Variants in GRAP observed in about 807,000 individuals in gnomAD.
The protein encoded by GRAP is GRB2 related adaptor protein, also known as GRB2-related adapter protein.
A neutral mutation model predicts 9.1 loss-of-function variants in GRAP; 2 were observed. The observed-to-expected ratio is 0.22, with a 90% CI of 0.09 to 0.69. The LOEUF is 0.69. Ranked by LOEUF, GRAP falls within the 30% of genes least tolerant of loss-of-function variation. GRAP has a pLI of 0.81. For synonymous variants in GRAP, 68 were observed against 73.6 expected (o/e 0.92, Z 0.39); for missense variants, 113 against 179.4 (o/e 0.63, Z 2.12).
chr17:19,025,049 T>A (rs562358500), intron 3 of GRAP, among the ~76,000 whole-genome samples: 1 of 152,198 alleles, frequency 6.6e-6, no homozygotes, highest in East Asian at 1.9e-4. Context: ...TTACTTTATA[T>A]CCTCTCCGAT....
intron 3 of GRAP, among the ~76,000 whole-genome samples, chr17:19,025,609 C>CT (rs2044309175): frequency 7.6e-6 from 1 of 131,298 alleles, no homozygotes; most frequent in Non-Finnish European, 1.6e-5. Context: ...TTTCTTTTTT[C>CT]TTTTCTTTTT....
chr17:19,022,242 G>A (rs1048232531), intron 4 of GRAP, 98 bp from the exon 5 acceptor site: 3 of 644,770 alleles, frequency 4.7e-6, no homozygotes, highest in Admixed American at 7.6e-5. Context: ...CACAGGTGAG[G>A]AGGGGTCTCG....
chr17:19,027,484 G>GCACACACACACACACACACA (rs776285201), intron 3 of GRAP, among the ~76,000 whole-genome samples: 1 of 121,216 alleles, frequency 8.2e-6, no homozygotes, highest in African/African-American at 3.1e-5. Context: ...GCGCGCGCGC[G>GCACACACACACACACACACA]CACACACACA....
chr17:19,031,384 C>A (rs2044335762), intron 3 of GRAP: 1 of 81,292 alleles, frequency 1.2e-5, no homozygotes, highest in Non-Finnish European at 2.5e-5. Flanking sequence ...AGAGCTCTTA[C>A]ACACAAATCT....
chr17:19,048,141 C>A (rs2152176680), upstream of GRAP, among the ~76,000 whole-genome samples: 2 of 95,244 alleles, frequency 2.1e-5, no homozygotes, highest in African/African-American at 3.8e-5. Flanking sequence ...GCCTGGGTGA[C>A]AGAGCGAGTC....
chr17:19,021,824 A>G lies in GRAP; in HGVS notation c.*135T>C. On this transcript the variant is annotated 3_prime_UTR_variant, in exon 5 of 5. Transcript: ENST00000284154. The surrounding 1 kb of genome is among the most constrained non-coding windows in gnomAD (Gnocchi z 4.1). Reference sequence around the variant, plus strand: ...CAGTTTGTGCAGAGCGGCCGGAGGCAGTTAGGAGCCCACGTTCAGTCCAAG... The same window carrying G: ...CAGTTTGTGCAGAGCGGCCGGAGGCGGTTAGGAGCCCACGTTCAGTCCAAG... 1.1e-6 allele frequency: 1 copy of G among 888,398 alleles called. No homozygotes were observed. Among genetic ancestry groups the G allele is most frequent in the East Asian group, 3.3e-5 (1 of 30,280 alleles). The allele number at this position is 888,398 out of a possible 1,614,324, so 55.0% of individuals were successfully genotyped here. A position where few individuals can be genotyped will look rare whatever the true frequency, so the allele number is the denominator to read the frequency against.
At position 19,024,359 on chromosome 17, in the gene GRAP, G is replaced by A; in HGVS notation, c.324C>T (p.Phe108=). The part of the protein sequence containing the change: ...SVNYGDQVQH[F]KVLREASGKY... ...TCCCCGAGGCCTCACGCAGCACCTT[G>A]AAGTGCTGCACCTGGTCTCCATAGC... Residue 108 remains phenylalanine (F), a synonymous_variant, in exon 4 of 5, where the codon TTC becomes TTT. Coordinates refer to ENST00000284154, the MANE Select transcript of GRAP (RefSeq NM_006613.4). This position sits in a 1 kb window ranked among gnomAD's most constrained non-coding sequence, Gnocchi z 4.2. The A allele has an allele frequency of 6.2e-7, 1 of 1,612,064 alleles. No individual in the cohort carries two copies. Among genetic ancestry groups the A allele is most frequent in the Non-Finnish European group, 8.5e-7 (1 of 1,179,564 alleles).
At chr17:19,023,651 C>T (rs1451350539) in intron 4 of GRAP, among the ~76,000 whole-genome samples, 1 of 132,756 alleles carries the variant, frequency 7.5e-6, no homozygotes, top group Non-Finnish European at 1.6e-5. Context: ...CCCCACCCCC[C>T]ACCCCGCGGC....
At chr17:19,031,495 GA>G (rs896392728) in intron 3 of GRAP, 1 of 135,284 alleles carries the variant, frequency 7.4e-6, no homozygotes, top group Non-Finnish European at 1.6e-5. Flanking sequence ...AAGAGTGTTG[GA>G]TTCATGGGCC....
At position 19,024,467 on chromosome 17, in the gene GRAP, T is replaced by C; in HGVS notation, c.300-84A>G. ...CAGGGGCTCCCGTCTCACTACCACC[T>C]GGAACCAGCCTGTCTCACGGTGGGA... On this transcript the variant is annotated intron_variant, in intron 3 of 4. Coordinates refer to ENST00000284154, the MANE Select transcript of GRAP (RefSeq NM_006613.4). This position sits in a 1 kb window ranked among gnomAD's most constrained non-coding sequence, Gnocchi z 4.2. 2 of 1,521,948 alleles carry C rather than the reference T, an allele frequency of 1.3e-6. No individual in the cohort carries two copies. Among genetic ancestry groups the C allele is most frequent in the Non-Finnish European group, 1.8e-6 (2 of 1,131,860 alleles). The allele number at this position is 1,521,948 out of a possible 1,614,324, so 94.3% of individuals were successfully genotyped here.
intron 4 of GRAP, 42 bp from the exon 5 acceptor site, chr17:19,022,186 C>G (rs2152168692): frequency 8.4e-7 from 1 of 1,184,470 alleles, no homozygotes; most frequent in East Asian, 3.0e-5. Context: ...CTTCAGAAGC[C>G]CTGCAACCCA....
At position 19,023,885 on chromosome 17, in the gene GRAP, C is replaced by T. The variant is rs1175067305; in HGVS notation, c.468+330G>A. ...CAGTATGCTCAGTGGGGGTCTGTAC[C>T]TTCCTTCACTCAATGAACATTTATT... On this transcript the variant is annotated intron_variant, in intron 4 of 4. Coordinates refer to ENST00000284154, the MANE Select transcript of GRAP (RefSeq NM_006613.4). Among the ~76,000 whole-genome samples the T allele has an allele frequency of 9.2e-5, 14 of 152,104 alleles. No individual in the cohort carries two copies. The East Asian group carries it at 2.7e-3, about 29-fold the overall frequency.
intron 4 of GRAP, among the ~76,000 whole-genome samples, chr17:19,022,968 C>G (rs1185593274): frequency 6.6e-6 from 1 of 152,220 alleles, no homozygotes; most frequent in Non-Finnish European, 1.5e-5. Context: ...GGTGACCCCA[C>G]GGCCCGGGCC....
At chr17:19,023,911 G>C (rs978412145) in intron 4 of GRAP, among the ~76,000 whole-genome samples, 3 of 151,990 alleles carry the variant, frequency 2.0e-5, no homozygotes, top group Non-Finnish European at 4.4e-5. Flanking sequence ...AACATTTATT[G>C]AGCACCTACT....
rs936530732 is a variant in GRAP at position 19,021,541 on chromosome 17, G to A, written c.*418C>T. 2 of 328,478 alleles carry A rather than the reference G, an allele frequency of 6.1e-6. No individual in the cohort carries two copies. Among genetic ancestry groups the A allele is most frequent in the Non-Finnish European group, 1.1e-5 (2 of 181,296 alleles). 20.3% of individuals were successfully genotyped at this position (328,478 alleles called of 1,614,324 possible). On this transcript the variant is annotated 3_prime_UTR_variant, in exon 5 of 5. Coordinates refer to ENST00000284154, the MANE Select transcript of GRAP (RefSeq NM_006613.4). The surrounding 1 kb of genome is among the most constrained non-coding windows in gnomAD (Gnocchi z 4.1). ...CCAGGGGCCTTTTGAGGGAGGGGCA[G>A]GCAGGCCCAGTGGGTGGTCAGCCCA...
In GRAP at chr17:19,021,771, T is replaced by G; in HGVS notation, c.*188A>C. The G allele has an allele frequency of 2.1e-6, 1 of 473,366 alleles. No individual in the cohort carries two copies. Among genetic ancestry groups the G allele is most frequent in the South Asian group, 7.6e-5 (1 of 13,128 alleles). 29.3% of individuals were successfully genotyped at this position (473,366 alleles called of 1,614,324 possible). ...AAGCCCCGGAGCTACCCTTGCTGGGTACCCTTGCTGGGGGACCTGGGCCAT... is the reference window on the plus strand; with the variant it reads ...AAGCCCCGGAGCTACCCTTGCTGGGGACCCTTGCTGGGGGACCTGGGCCAT... On this transcript the variant is annotated 3_prime_UTR_variant, in exon 5 of 5. Coordinates refer to ENST00000284154, the MANE Select transcript of GRAP (RefSeq NM_006613.4). The surrounding 1 kb of genome is among the most constrained non-coding windows in gnomAD (Gnocchi z 4.1).
At position 19,024,786 on chromosome 17, in the gene GRAP, T is replaced by C. The variant is rs1357741973; in HGVS notation, c.300-403A>G. 6.6e-6 allele frequency among the ~76,000 whole-genome samples: 1 copy of C among 152,148 alleles called. No homozygotes were observed. Among genetic ancestry groups the C allele is most frequent in the East Asian group, 1.9e-4 (1 of 5,178 alleles). ...TCAGAGAGCATCTCCTTCACATCTC[T>C]TTGTTGTTCCCCTCAGCTTGGACCT... On this transcript the variant is annotated intron_variant, in intron 3 of 4. Coordinates refer to ENST00000284154, the MANE Select transcript of GRAP (RefSeq NM_006613.4). This position sits in a 1 kb window ranked among gnomAD's most constrained non-coding sequence, Gnocchi z 4.2.
At chr17:19,023,701 AC>A (rs1380486291) in intron 4 of GRAP, among the ~76,000 whole-genome samples, 1 of 124,690 alleles carries the variant, frequency 8.0e-6, no homozygotes, top group Non-Finnish European at 1.6e-5. Context: ...GCTGCCCCAC[AC>A]CCAAGGTCAA....
At chr17:19,022,241 G>T in intron 4 of GRAP, 97 bp from the exon 5 acceptor site, 1 of 653,846 alleles carries the variant, frequency 1.5e-6, no homozygotes, top group Non-Finnish European at 2.5e-6. Context: ...CCACAGGTGA[G>T]GAGGGGTCTC....
Sources: gnomAD v4.1 joint callset for allele counts (sites outside exome capture counted in the v4.1 genomes callset) on GRCh38, gnomAD v4.1.1 for gene constraint, Gnocchi (gnomAD v3.1) non-coding constraint, MANE v1.5 for transcripts, NCBI Gene and HGNC (gene_info 2026-07-23, HGNC 2026-07-21) for gene names.